Variants in C8orf34 observed in about 807,000 individuals in gnomAD.
C8orf34 encodes uncharacterized protein C8orf34.
C8orf34 carries 65 observed loss-of-function variants against 68.3 expected under a neutral mutation model. The observed-to-expected ratio is 0.95, with a 90% CI of 0.78 to 1.17. C8orf34 has a LOEUF of 1.17. Ranked by LOEUF, C8orf34 falls within the 50% of genes most tolerant of loss-of-function variation. C8orf34 has a pLI of 0.00. For missense variants in C8orf34, 664 were observed against 655.4 expected, an observed-to-expected ratio of 1.01 and a Z score of -0.14; for synonymous variants, 244 against 241.2, an observed-to-expected ratio of 1.01 and a Z score of -0.11.
At chr8:68,742,976 C>A (rs886576627) in intron 10 of C8orf34, among the ~76,000 whole-genome samples, 2 of 152,198 alleles carry the variant, frequency 1.3e-5, no homozygotes, top group Non-Finnish European at 2.9e-5. Context: ...CTTTGCTAGA[C>A]ATCTTCCTGT....
intron 1 of C8orf34, among the ~76,000 whole-genome samples, chr8:68,359,719 G>A (rs982040610): frequency 3.9e-5 from 6 of 152,092 alleles, no homozygotes; most frequent in African/African-American, 1.4e-4. Context: ...CGTGCTACCT[G>A]GGTTCACAAA....
At chr8:68,670,497 G>T (rs1819975556) in intron 8 of C8orf34, among the ~76,000 whole-genome samples, 1 of 152,142 alleles carries the variant, frequency 6.6e-6, no homozygotes, top group South Asian at 2.1e-4. Context: ...TTACCTGGAA[G>T]ACCTTCTCTG....
At chr8:68,648,407 T>C (rs890157986) in intron 8 of C8orf34, among the ~76,000 whole-genome samples, 1 of 152,216 alleles carries the variant, frequency 6.6e-6, no homozygotes, top group Non-Finnish European at 1.5e-5. Context: ...AAGATACCAA[T>C]AACTGGCAGA....
intron 7 of C8orf34, among the ~76,000 whole-genome samples, chr8:68,589,541 A>AGGAAAGGAATGAAGGAAGGGAGAG (rs1231593370): frequency 2.7e-5 from 4 of 150,192 alleles, no homozygotes; most frequent in Admixed American, 6.6e-5. Context: ...AAGAAGAGAA[A>AGGAAAGGAATGAAGGAAGGGAGAG]GGAAAGGAAT....
At chr8:68,574,337 T>C (rs1816842319) in intron 7 of C8orf34, among the ~76,000 whole-genome samples, 2 of 152,084 alleles carry the variant, frequency 1.3e-5, no homozygotes, top group Admixed American at 6.6e-5. Flanking sequence ...CATGACTATG[T>C]GATATGCTCT....
Position 68,787,501 on chromosome 8 carries a change from C to G in C8orf34, c.1514C>G (p.Thr505Arg). Reference sequence around the variant, plus strand: ...CAACCATGGATCTTGCCAAGTGACACAGAAAGTGAAGGAGTGGAAGCAGAA... The same window carrying G: ...CAACCATGGATCTTGCCAAGTGACAGAGAAAGTGAAGGAGTGGAAGCAGAA... Reference protein sequence around the residue: ...VHQPWILPSDTESEGVEAEQE... With the variant: ...VHQPWILPSDRESEGVEAEQE... Residue 505 changes from threonine to arginine, a missense_variant, in exon 12 of 14, where the codon ACA becomes AGA. Transcript: ENST00000518698. 6.2e-7 allele frequency: 1 copy of G among 1,611,672 alleles called. No individual in the cohort carries two copies. Among genetic ancestry groups the G allele is most frequent in the Non-Finnish European group, 8.5e-7 (1 of 1,178,572 alleles).
intron 4 of C8orf34, among the ~76,000 whole-genome samples, chr8:68,476,282 A>G (rs1280517678): frequency 6.6e-6 from 1 of 152,234 alleles, no homozygotes; most frequent in East Asian, 1.9e-4. Flanking sequence ...AAGTACTTTA[A>G]AAGAGCTGAG....
At chr8:68,425,779 A>C (rs1422812330) in intron 1 of C8orf34, among the ~76,000 whole-genome samples, 1 of 151,874 alleles carries the variant, frequency 6.6e-6, no homozygotes, top group East Asian at 1.9e-4. Context: ...ATTTCAAAGG[A>C]TAAGATATGA....
At chr8:68,633,281 C>T (rs751522839) in intron 7 of C8orf34, among the ~76,000 whole-genome samples, 20 of 152,236 alleles carry the variant, frequency 1.3e-4, no homozygotes, top group South Asian at 2.1e-4. Context: ...GAGGGGAGCA[C>T]GGAAGCTAGT....
intron 1 of C8orf34, among the ~76,000 whole-genome samples, chr8:68,361,709 G>A (rs1807008091): frequency 6.6e-6 from 1 of 152,076 alleles, no homozygotes; most frequent in Admixed American, 6.5e-5. Flanking sequence ...TATATTGTTG[G>A]CTTTTTTCTA....
At chr8:68,695,680 T>C (rs1820810658) in intron 8 of C8orf34, 1 of 152,086 alleles carries the variant, frequency 6.6e-6, no homozygotes, top group South Asian at 2.1e-4. Flanking sequence ...CCCAATCTCA[T>C]CTGATCTTGG....
At chr8:68,563,649 G>A (rs1406513301) in intron 7 of C8orf34, among the ~76,000 whole-genome samples, 1 of 151,218 alleles carries the variant, frequency 6.6e-6, no homozygotes, top group Middle Eastern at 3.4e-3. Flanking sequence ...GCTTGAAAGA[G>A]TTAAGATTAA....
chr8:68,788,803 A>G (rs183658574), intron 12 of C8orf34, among the ~76,000 whole-genome samples: 192 of 152,094 alleles, frequency 1.3e-3, no homozygotes, highest in Middle Eastern at 3.4e-3. Context: ...AGGTTGCAGT[A>G]AGCCGAGATC....
intron 7 of C8orf34, among the ~76,000 whole-genome samples, chr8:68,591,092 ACTC>A (rs1817375366): frequency 6.6e-6 from 1 of 151,880 alleles, no homozygotes; most frequent in African/African-American, 2.4e-5. Flanking sequence ...GGTCTTGAGA[ACTC>A]CTCTGCATAC....
chr8:68,331,221 C>A lies in C8orf34; in HGVS notation c.209C>A (p.Ala70Glu), dbSNP rs1805569774. ...AGGAGGGTTGTCCCCAGCGGAGGCG[C>A]ACAGCCGCGCGTTCTCCCTGCACTC... ...GKRRVVPSGG[A>E]QPRVLPALSS... Residue 70 changes from alanine (A) to glutamate (E), a missense_variant, in exon 1 of 14, where the codon GCA becomes GAA. Ala to Glu is a moderately radical substitution (Grantham distance 107). Transcript: ENST00000518698. 2 of 1,536,056 alleles carry A rather than the reference C, an allele frequency of 1.3e-6. No homozygotes were observed. Among genetic ancestry groups the A allele is most frequent in the East Asian group, 4.9e-5 (2 of 40,872 alleles).
chr8:68,434,797 A>G (rs1309665090), intron 1 of C8orf34, among the ~76,000 whole-genome samples: 5 of 152,202 alleles, frequency 3.3e-5, no homozygotes, highest in African/African-American at 1.2e-4. Flanking sequence ...CTGTAATCCC[A>G]GCACTCTGGG....
chr8:68,474,777 G>T (rs1258179686), intron 4 of C8orf34, among the ~76,000 whole-genome samples: 1 of 152,184 alleles, frequency 6.6e-6, no homozygotes, highest in Non-Finnish European at 1.5e-5. Flanking sequence ...AGATCATGGG[G>T]CAGGTTTCTA....
At chr8:68,803,425 G>T (rs2129529658) in intron 12 of C8orf34, among the ~76,000 whole-genome samples, 1 of 152,038 alleles carries the variant, frequency 6.6e-6, no homozygotes, top group South Asian at 2.1e-4. Context: ...CATAAAAAGT[G>T]TTTGATAAAT....
intron 8 of C8orf34, 58 bp downstream of exon 8, chr8:68,640,569 G>C: frequency 2.7e-6 from 4 of 1,501,460 alleles, no homozygotes; most frequent in African/African-American, 1.4e-5. Flanking sequence ...TAAAATCTAA[G>C]ATTTTGATAC....
Sources: allele counts gnomAD v4.1 joint callset (sites outside exome capture counted in the v4.1 genomes callset), GRCh38; gene constraint gnomAD v4.1.1; transcripts MANE v1.5; gene names NCBI Gene and HGNC (gene_info 2026-07-23, HGNC 2026-07-21).